The following SEMA5A variants were observed in gnomAD, a reference collection of about 807,000 sequenced individuals.
SEMA5A encodes the protein semaphorin-5A.
Under a neutral mutation model 135.5 loss-of-function variants are expected in SEMA5A, and 55 were observed. The observed-to-expected ratio is 0.41, with a 90% CI of 0.33 to 0.51. The LOEUF (loss-of-function observed/expected upper bound fraction) is 0.51. Ranked by LOEUF, SEMA5A falls within the 20% of genes least tolerant of loss-of-function variation. SEMA5A has a pLI of 0.37. For synonymous variants in SEMA5A, 580 were observed against 546.5 expected (o/e 1.06, Z -0.85); for missense variants, 1,290 against 1,419.9 (o/e 0.91, Z 1.47).
chr5:9,417,950 C>A (rs1347707581), intron 2 of SEMA5A, among the ~76,000 whole-genome samples: 3 of 151,012 alleles, frequency 2.0e-5, no homozygotes, highest in African/African-American at 7.3e-5. Context: ...CAGAGCAGAG[C>A]ACAGGAGCAA....
At chr5:9,050,334 T>G in intron 21 of SEMA5A, 76 bp downstream of exon 21, 1 of 1,361,500 alleles carries the variant, frequency 7.3e-7, no homozygotes, top group Non-Finnish European at 1.0e-6. Context: ...AGAAAAATTA[T>G]AGAAAACATG....
chr5:9,291,096 C>T (rs1751052988), intron 5 of SEMA5A, among the ~76,000 whole-genome samples: 1 of 152,174 alleles, frequency 6.6e-6, no homozygotes, highest in Non-Finnish European at 1.5e-5. Context: ...TTCTTTCCAT[C>T]CGTCTCTTGA....
chr5:9,080,829 T>C (rs1307907912), intron 16 of SEMA5A, among the ~76,000 whole-genome samples: 2 of 152,094 alleles, frequency 1.3e-5, no homozygotes, highest in East Asian at 3.9e-4. Flanking sequence ...GGCCCTCTGA[T>C]AGGAAGCACC....
chr5:9,296,254 G>C (rs1751328947), intron 5 of SEMA5A, among the ~76,000 whole-genome samples: 1 of 152,184 alleles, frequency 6.6e-6, no homozygotes, highest in African/African-American at 2.4e-5. Context: ...TTTACTATCT[G>C]TATATCCGTT....
At chr5:9,491,997 A>C (rs896035131) in intron 1 of SEMA5A, among the ~76,000 whole-genome samples, 30 of 152,226 alleles carry the variant, frequency 2.0e-4, no homozygotes, top group Non-Finnish European at 7.3e-5. Context: ...GATAGAAGAC[A>C]CACAACAGCT....
chr5:9,092,568 C>T (rs1313725943), intron 16 of SEMA5A, among the ~76,000 whole-genome samples: 1 of 152,064 alleles, frequency 6.6e-6, no homozygotes, highest in African/African-American at 2.4e-5. Context: ...AGCAGCCCTG[C>T]AAAGCTAATT....
chr5:9,055,758 T>C (rs1315662083), intron 18 of SEMA5A, among the ~76,000 whole-genome samples: 1 of 152,190 alleles, frequency 6.6e-6, no homozygotes, highest in Non-Finnish European at 1.5e-5. Flanking sequence ...AATTCAACAG[T>C]ATTTTCCCTA....
At chr5:9,458,460 CT>C (rs1758930234) in intron 1 of SEMA5A, among the ~76,000 whole-genome samples, 1 of 152,192 alleles carries the variant, frequency 6.6e-6, no homozygotes, top group African/African-American at 2.4e-5. Flanking sequence ...CTTCATCAAA[CT>C]TTAAGCTGCT....
intron 2 of SEMA5A, among the ~76,000 whole-genome samples, chr5:9,409,487 C>G (rs1030653333): frequency 2.0e-5 from 3 of 152,196 alleles, no homozygotes; most frequent in Admixed American, 2.0e-4. Context: ...CTCCACCTCT[C>G]TCTGTACATC....
intron 5 of SEMA5A, among the ~76,000 whole-genome samples, chr5:9,306,808 C>T (rs1315355967): frequency 2.0e-5 from 3 of 152,106 alleles, no homozygotes; most frequent in East Asian, 3.9e-4. Context: ...CACTTAAATG[C>T]TTTATTTTAA....
intron 11 of SEMA5A, among the ~76,000 whole-genome samples, chr5:9,166,269 C>A (rs867491826): frequency 2.0e-5 from 3 of 152,064 alleles, no homozygotes; most frequent in South Asian, 2.1e-4. Context: ...ATAGTAGGTG[C>A]TCAAGCAGAG....
chr5:9,420,289 A>C (rs1305373826), intron 2 of SEMA5A, among the ~76,000 whole-genome samples: 1 of 152,102 alleles, frequency 6.6e-6, no homozygotes, highest in East Asian at 1.9e-4. Flanking sequence ...CTGGAATAAA[A>C]AGTTAGGCAT....
rs1258911535 is a variant in SEMA5A, at chr5:9,039,819, C to T, written c.*3078G>A. ...CCAGTTTCACCAAAGCTACATGTCC[C>T]TGGAGCTACAGGAAGCCCACATGTT... On this transcript the variant is annotated 3_prime_UTR_variant, in exon 23 of 23. Transcript: ENST00000382496. 6.6e-6 allele frequency: 1 copy of T among 152,228 alleles called. No homozygotes were observed. Among genetic ancestry groups the T allele is most frequent in the East Asian group, 1.9e-4 (1 of 5,188 alleles). The allele number at this position is 152,228 out of a possible 1,614,324, so 9.4% of individuals were successfully genotyped here. A position where few individuals can be genotyped will look rare whatever the true frequency, so the allele number is the denominator to read the frequency against.
At chr5:9,070,936 T>C (rs1429551482) in intron 16 of SEMA5A, among the ~76,000 whole-genome samples, 1 of 152,222 alleles carries the variant, frequency 6.6e-6, no homozygotes, top group Non-Finnish European at 1.5e-5. Flanking sequence ...TAACTGAATA[T>C]GTATGTTACA....
intron 1 of SEMA5A, among the ~76,000 whole-genome samples, chr5:9,536,544 C>T (rs1737777930): frequency 6.6e-6 from 1 of 150,762 alleles, no homozygotes. Flanking sequence ...ACCCGGGAGG[C>T]AGAGGTTACA....
intron 1 of SEMA5A, among the ~76,000 whole-genome samples, chr5:9,445,764 A>G (rs1442379751): frequency 1.3e-5 from 2 of 152,206 alleles, no homozygotes; most frequent in African/African-American, 4.8e-5. Context: ...CCCAGAGGTC[A>G]AGGCCTCATG....
chr5:9,393,190 C>A (rs1445954710), intron 2 of SEMA5A, among the ~76,000 whole-genome samples: 6 of 152,150 alleles, frequency 3.9e-5, no homozygotes, highest in Non-Finnish European at 1.5e-5. Flanking sequence ...AATATTAAAA[C>A]CTATGTGATG....
chr5:9,255,159 T>C (rs961772416), intron 5 of SEMA5A, among the ~76,000 whole-genome samples: 4 of 152,176 alleles, frequency 2.6e-5, no homozygotes, highest in African/African-American at 9.7e-5. Flanking sequence ...ACATTCCTTA[T>C]CTTGATTTTT....
chr5:9,436,994 G>A (rs973761378), intron 2 of SEMA5A, among the ~76,000 whole-genome samples: 1 of 152,200 alleles, frequency 6.6e-6, no homozygotes, highest in African/African-American at 2.4e-5. Context: ...GCCACAGGAA[G>A]GAGGAAATTG....
Sources: allele counts gnomAD v4.1 joint callset (sites outside exome capture counted in the v4.1 genomes callset), GRCh38; gene constraint gnomAD v4.1.1; transcripts MANE v1.5; gene names NCBI Gene and HGNC (gene_info 2026-07-23, HGNC 2026-07-21).